ATAD2B: variants seen among roughly 807,000 people sequenced by gnomAD.
The protein encoded by ATAD2B is ATPase family AAA domain-containing protein 2B.
Under a neutral mutation model 167.6 loss-of-function variants are expected in ATAD2B, and 40 were observed. The observed-to-expected ratio is 0.24, with a 90% CI of 0.19 to 0.31. The LOEUF is 0.31. Ranked by LOEUF, ATAD2B falls within the 10% of genes least tolerant of loss-of-function variation. ATAD2B has a pLI of 1.00. For synonymous variants in ATAD2B, 579 were observed against 596.5 expected, an observed-to-expected ratio of 0.97 and a Z score of 0.43; for missense variants, 1,242 against 1,757.2, an observed-to-expected ratio of 0.71 and a Z score of 5.24.
At chr2:23,813,965 C>T (rs1450867782) in intron 17 of ATAD2B, among the ~76,000 whole-genome samples, 1 of 151,964 alleles carries the variant, frequency 6.6e-6, no homozygotes, top group Non-Finnish European at 1.5e-5. Flanking sequence ...AAAGAATTTG[C>T]TACAGAGCAG....
intron 19 of ATAD2B, among the ~76,000 whole-genome samples, chr2:23,789,374 T>A (rs1230710696): frequency 2.6e-5 from 4 of 152,134 alleles, no homozygotes; most frequent in African/African-American, 9.7e-5. Context: ...ATGGTTTTTC[T>A]AGAATGTCTA....
At chr2:23,703,297 C>A in the ATAD2B span, 1 of 1,548,464 alleles carries the variant, frequency 6.5e-7, no homozygotes, top group Non-Finnish European at 8.7e-7. Context: ...GTGGGGTGAA[C>A]GAGGCAGGCC....
At chr2:23,903,614 T>A (rs978116074) in intron 1 of ATAD2B, among the ~76,000 whole-genome samples, 2 of 152,186 alleles carry the variant, frequency 1.3e-5, no homozygotes, top group Non-Finnish European at 2.9e-5. Context: ...AACTTGAGAA[T>A]AACTAGAAAT....
chr2:23,860,307 A>G (rs550635695), intron 12 of ATAD2B, among the ~76,000 whole-genome samples: 3 of 152,204 alleles, frequency 2.0e-5, no homozygotes, highest in Non-Finnish European at 4.4e-5. Context: ...AAACAAAAAT[A>G]TGTATTTTGT....
chr2:23,883,703 T>C (rs1176456632), intron 6 of ATAD2B: 4 of 784,264 alleles, frequency 5.1e-6, no homozygotes, highest in Non-Finnish European at 7.3e-6. Flanking sequence ...CAAAATTGAC[T>C]AATAAAATAT....
rs1264834240 is a variant in ATAD2B, at chr2:23,926,529, C to A, written c.216+26G>T. The stretch of plus-strand genomic sequence containing the variant: ...CAGCAGGGCCGGCACTTCCGAGCCT[C>A]CGGACTCGGGACGCCGCGCTCTTAC... On this transcript the variant is annotated intron_variant, in intron 1 of 27. Coordinates refer to ENST00000238789, the MANE Select transcript of ATAD2B (RefSeq NM_017552.4). 4 of 1,536,078 alleles carry A rather than the reference C, an allele frequency of 2.6e-6. No homozygotes were observed. The South Asian group carries it at 4.8e-5, about 18-fold the overall frequency.
chr2:23,839,591 A>C (rs764268214), intron 13 of ATAD2B, among the ~76,000 whole-genome samples: 1 of 152,098 alleles, frequency 6.6e-6, no homozygotes. Context: ...AATAAAATCA[A>C]TTTAGTCATA....
chr2:23,851,025 C>G (rs1271784749), intron 13 of ATAD2B, among the ~76,000 whole-genome samples: 2 of 152,194 alleles, frequency 1.3e-5, no homozygotes, highest in African/African-American at 4.8e-5. Flanking sequence ...GAGAAGTCAT[C>G]AGAACCAGAA....
the ATAD2B span, chr2:23,689,520 G>A: frequency 6.6e-6 from 1 of 152,390 alleles, no homozygotes; most frequent in Non-Finnish European, 1.5e-5. Flanking sequence ...ATGTGTGCGT[G>A]TGCATGTGCT....
chr2:23,727,973 C>A, the ATAD2B span, among the ~76,000 whole-genome samples: 1 of 145,684 alleles, frequency 6.9e-6, no homozygotes, highest in African/African-American at 2.5e-5. Context: ...AATGATACTG[C>A]AATAATGGAT....
At chr2:23,904,219 T>A (rs925912814) in intron 1 of ATAD2B, among the ~76,000 whole-genome samples, 1 of 151,930 alleles carries the variant, frequency 6.6e-6, no homozygotes, top group African/African-American at 2.4e-5. Context: ...CTTAAAAAAA[T>A]GCCTAATTAA....
At position 23,844,186 on chromosome 2, in the gene ATAD2B, C is replaced by T. The variant is rs538195994; in HGVS notation, c.1569-10108G>A. ...AACTCCTGACCTCAGGTGATACACA[C>T]GCCTCGGCCTCCCAAAGTGCTGGGA... is the stretch of plus-strand genomic sequence containing the variant. On this transcript the variant is annotated intron_variant, in intron 13 of 27. Coordinates refer to ENST00000238789, the MANE Select transcript of ATAD2B (RefSeq NM_017552.4). Among the ~76,000 whole-genome samples, 9 of 152,252 alleles carry T rather than the reference C, an allele frequency of 5.9e-5. No individual in the cohort carries two copies. The South Asian group carries it at 6.2e-4, about 11-fold the overall frequency.
rs567755417 is a variant in ATAD2B, at chr2:23,891,536, C to T, written c.369-3137G>A. Among the ~76,000 whole-genome samples, 7 of 151,212 alleles carry T rather than the reference C, an allele frequency of 4.6e-5. 1 individual carries two copies. Among genetic ancestry groups the T allele is most frequent in the Admixed American group, 2.0e-4 (3 of 15,176 alleles). On this transcript the variant is annotated intron_variant, in intron 2 of 27. Transcript: ENST00000238789. ...GAGGGGACAGAGCCTCACTCTGTCGCCCACGGTGGAGTGCAGTGGCTCTAT... is the reference window on the plus strand; with the variant it reads ...GAGGGGACAGAGCCTCACTCTGTCGTCCACGGTGGAGTGCAGTGGCTCTAT...
chr2:23,842,374 C>T (rs1691056730), intron 13 of ATAD2B, among the ~76,000 whole-genome samples: 1 of 152,030 alleles, frequency 6.6e-6, no homozygotes, highest in South Asian at 2.1e-4. Flanking sequence ...CAGAGCACCC[C>T]TCAAAAAACA....
chr2:23,895,977 GA>G lies in ATAD2B; in HGVS notation c.217-8del. The stretch of plus-strand genomic sequence containing the variant: ...TACCATCAACTTCAACTTTCTGAAA[GA>G]CAATGTTAAAAATGTATTTATTATT... On this transcript the variant is annotated splice_polypyrimidine_tract_variant and splice_region_variant and intron_variant, in intron 1 of 27. Coordinates refer to ENST00000238789, the MANE Select transcript of ATAD2B (RefSeq NM_017552.4). 1 of 1,607,250 alleles carries G rather than the reference GA, an allele frequency of 6.2e-7. No individual in the cohort carries two copies. The highest frequency in any genetic ancestry group is 1.7e-5 in the Admixed American group (1 of 59,600).
At chr2:23,770,280 C>T (rs1392843525) in intron 22 of ATAD2B, among the ~76,000 whole-genome samples, 2 of 151,986 alleles carry the variant, frequency 1.3e-5, no homozygotes, top group Non-Finnish European at 2.9e-5. Context: ...CATGCCACTG[C>T]ACTCCAGCCT....
intron 1 of ATAD2B, among the ~76,000 whole-genome samples, chr2:23,908,880 C>A (rs1264078281): frequency 2.7e-5 from 4 of 148,798 alleles, no homozygotes; most frequent in Admixed American, 6.8e-5. Flanking sequence ...AGTAAACTAT[C>A]GCAAGAAAAA....
the ATAD2B span, among the ~76,000 whole-genome samples, chr2:23,722,501 C>G: frequency 6.6e-6 from 1 of 151,988 alleles, no homozygotes; most frequent in Non-Finnish European, 1.5e-5. Flanking sequence ...AATTTCTGAA[C>G]TCGAAGACAG....
At chr2:23,855,168 G>C (rs1486136633) in intron 13 of ATAD2B, among the ~76,000 whole-genome samples, 1 of 150,438 alleles carries the variant, frequency 6.6e-6, no homozygotes. Context: ...CACTCCAACA[G>C]GGCAACAGAG....
Sources: gnomAD v4.1 joint callset for allele counts (sites outside exome capture counted in the v4.1 genomes callset) on GRCh38, gnomAD v4.1.1 for gene constraint, MANE v1.5 for transcripts, NCBI Gene and HGNC (gene_info 2026-07-23, HGNC 2026-07-21) for gene names.